PLXNA4: variants seen among roughly 807,000 people sequenced by gnomAD.
PLXNA4 encodes plexin-A4.
PLXNA4 carries 44 observed loss-of-function variants against 191.8 expected under a neutral mutation model. The ratio of observed to expected loss-of-function variants is 0.23; its 90% confidence interval spans 0.18 to 0.29. The LOEUF is 0.29. Among genes scored for constraint, PLXNA4 ranks in the 10% least tolerant of loss-of-function variants. PLXNA4 has a pLI of 1.00. For missense variants in PLXNA4, 1,800 were observed against 2,488.8 expected (o/e 0.72, Z 5.89); for synonymous variants, 1,082 against 1,009.5 (o/e 1.07, Z -1.36).
intron 14 of PLXNA4, among the ~76,000 whole-genome samples, chr7:132,189,030 A>AGAAAG (rs1797000678): frequency 1.6e-5 from 1 of 61,916 alleles, no homozygotes; most frequent in Non-Finnish European, 3.1e-5. Context: ...GAGAGAGAGA[A>AGAAAG]AGAGAGAGAG....
chr7:132,181,439 TCAAA>T lies in PLXNA4; in HGVS notation c.3430_3433del (p.Phe1144ArgfsTer19). On this transcript the variant is annotated frameshift_variant, in exon 18 of 32. Transcript: ENST00000321063. LOFTEE classifies it high-confidence loss of function. ...CAGGATTCCTGAGGGACCAAAGGCCTCAAACACCGGGTTGGGATAGTAGGTGAAG... is the reference window on the plus strand; with the variant it reads ...CAGGATTCCTGAGGGACCAAAGGCCTCACCGGGTTGGGATAGTAGGTGAAG... 6.2e-7 allele frequency: 1 copy of T among 1,613,680 alleles called. No individual in the cohort carries two copies. The highest frequency in any genetic ancestry group is 8.5e-7 in the Non-Finnish European group (1 of 1,179,838).
chr7:132,503,814 A>AC (rs1166557557), intron 2 of PLXNA4, among the ~76,000 whole-genome samples: 5 of 151,728 alleles, frequency 3.3e-5, no homozygotes, highest in Non-Finnish European at 5.9e-5. Flanking sequence ...ACCCTCTAGG[A>AC]CCCCCCCTCA....
chr7:132,640,301 A>C lies in PLXNA4; in HGVS notation c.-87+5627T>G, dbSNP rs150528081. ...AAGTTATGGCTTTCAGGGATCTTTC[A>C]ATTGGTAGGAGAAACTTACACTAAA... On this transcript the variant is annotated intron_variant, in intron 2 of 4. Coordinates refer to the PLXNA4 transcript ENST00000378539. Among the ~76,000 whole-genome samples the C allele has an allele frequency of 1.6e-3, 238 of 152,332 alleles. 1 individual carries two copies. The highest frequency in any genetic ancestry group is 5.5e-3 in the African/African-American group (227 of 41,570).
intron 3 of PLXNA4, among the ~76,000 whole-genome samples, chr7:132,365,358 T>TGCGCGTGCGCGCGC (rs1554424500): frequency 1.5e-5 from 2 of 133,594 alleles, no homozygotes; most frequent in African/African-American, 6.9e-5. Context: ...TGTGTGTGTG[T>TGCGCGTGCGCGCGC]GTGCGTGCGC....
At position 132,140,752 on chromosome 7, in the gene PLXNA4, T is replaced by C. The variant is rs765780731; in HGVS notation, c.5285A>G (p.His1762Arg). The C allele has an allele frequency of 8.7e-6, 14 of 1,613,946 alleles. No homozygotes were observed. Among genetic ancestry groups the C allele is most frequent in the Admixed American group, 1.7e-5 (1 of 59,996 alleles). Reference protein sequence around the residue: ...IKNPQFVFDIHKNSITDACLS... With the variant: ...IKNPQFVFDIRKNSITDACLS... ...GCAGGCGTCTGTGATGCTGTTCTTA[T>C]GGATGTCAAACACAAACTGCGGGTT... Residue 1762 changes from histidine to arginine, a missense_variant, in exon 30 of 32, where the codon CAT (histidine) becomes CGT (arginine). Around this residue, in one of 6 missense-constraint regions of PLXNA4, gnomAD observed 101 missense variants for 182.8 expected, o/e 0.55. Coordinates refer to ENST00000321063, the MANE Select transcript of PLXNA4 (RefSeq NM_020911.2).
intron 30 of PLXNA4, among the ~76,000 whole-genome samples, chr7:132,137,677 G>A (rs1795151819): frequency 6.6e-6 from 1 of 151,942 alleles, no homozygotes; most frequent in Admixed American, 6.6e-5. Flanking sequence ...CAAGGTACTT[G>A]GAGGCAGGAA....
At chr7:132,286,745 T>C (rs17166308) in intron 4 of PLXNA4, among the ~76,000 whole-genome samples, 7,988 of 152,266 alleles carry the variant, frequency 0.052, 686 homozygotes, top group African/African-American at 0.18. Flanking sequence ...GAGGTTGGAC[T>C]CAAATGGATT....
At chr7:132,176,209 GTCCTCTGCAGCCTCTCCTGCTGC>G (rs1351887803) in intron 20 of PLXNA4, among the ~76,000 whole-genome samples, 1 of 152,206 alleles carries the variant, frequency 6.6e-6, no homozygotes, top group African/African-American at 2.4e-5. Context: ...CACCTGGAGA[GTCCTCTGCAGCCTCTCCTGCTGC>G]TCCTCTCTCC....
At chr7:132,517,581 T>G (rs1209613418) in intron 1 of PLXNA4, among the ~76,000 whole-genome samples, 6 of 152,204 alleles carry the variant, frequency 3.9e-5, no homozygotes, top group Admixed American at 3.9e-4. Context: ...TCAAACGTAA[T>G]GCTGGGGGGC....
intron 1 of PLXNA4, among the ~76,000 whole-genome samples, chr7:132,553,626 C>T (rs150833876): frequency 1.2e-4 from 18 of 152,284 alleles, no homozygotes; most frequent in East Asian, 5.8e-4. Context: ...TGCTAAAAGT[C>T]TGCCACTGGA....
At position 132,354,159 on chromosome 7, in the gene PLXNA4, G is replaced by C. The variant is rs369847107; in HGVS notation, c.1372-55937C>G. On this transcript the variant is annotated intron_variant, in intron 3 of 31. Coordinates refer to ENST00000321063, the MANE Select transcript of PLXNA4 (RefSeq NM_020911.2). Reference sequence around the variant, plus strand: ...ATTACAGCCAGAAATGTGTATGCCTGTAAGCCTGGGGCACCAACAGTGTGT... The same window carrying C: ...ATTACAGCCAGAAATGTGTATGCCTCTAAGCCTGGGGCACCAACAGTGTGT... Among the ~76,000 whole-genome samples, 5 of 150,512 alleles carry C rather than the reference G, an allele frequency of 3.3e-5. No homozygotes were observed. The East Asian group carries it at 7.7e-4, about 23-fold the overall frequency.
rs74889895 is a variant in PLXNA4, at chr7:132,192,371, G to A, written c.2856+1691C>T. 2.4e-3 allele frequency among the ~76,000 whole-genome samples: 370 copies of A among 152,126 alleles called. 2 individuals carry two copies. Among genetic ancestry groups the A allele is most frequent in the African/African-American group, 8.5e-3 (352 of 41,430 alleles). On this transcript the variant is annotated intron_variant, in intron 14 of 31. Coordinates refer to ENST00000321063, the MANE Select transcript of PLXNA4 (RefSeq NM_020911.2). ...TCTAGTGAGAGGCATTGTGCAAGGT[G>A]ATCAATGGCTGTCAGTTGAAGAAGG...
At chr7:132,327,321 G>C (rs1017109989) in intron 3 of PLXNA4, among the ~76,000 whole-genome samples, 1 of 152,094 alleles carries the variant, frequency 6.6e-6, no homozygotes, top group East Asian at 1.9e-4. Flanking sequence ...TGCAATCTAA[G>C]GGTCAGAAGT....
Position 132,386,626 on chromosome 7 carries a change from C to T in PLXNA4, c.1372-88404G>A, listed in dbSNP as rs144660041. On this transcript the variant is annotated intron_variant, in intron 3 of 31. Transcript: ENST00000321063. ...TCAGAGGCTCTCTGGCTGCCTCTCT[C>T]GTTAGTCAGCCTTTCCTGGCATACC... Among the ~76,000 whole-genome samples the T allele has an allele frequency of 2.4e-3, 371 of 152,322 alleles. 1 individual carries two copies. Among genetic ancestry groups the T allele is most frequent in the Non-Finnish European group, 4.0e-3 (275 of 68,022 alleles).
intron 5 of PLXNA4, among the ~76,000 whole-genome samples, chr7:132,239,757 A>G (rs1209108565): frequency 1.3e-5 from 2 of 152,132 alleles, no homozygotes; most frequent in Admixed American, 6.5e-5. Context: ...CAACCTTTCT[A>G]TACACTTGAG....
At chr7:132,276,746 T>C (rs1800295853) in intron 4 of PLXNA4, among the ~76,000 whole-genome samples, 1 of 152,212 alleles carries the variant, frequency 6.6e-6, no homozygotes, top group African/African-American at 2.4e-5. Flanking sequence ...AAAAGACTGA[T>C]TATTTATCAA....
chr7:132,256,103 C>T (rs73157228), intron 4 of PLXNA4, among the ~76,000 whole-genome samples: 6,426 of 152,260 alleles, frequency 0.042, 208 homozygotes, highest in Non-Finnish European at 0.064. Context: ...TGAGTTGGCA[C>T]GGCACGTCTG....
intron 3 of PLXNA4, among the ~76,000 whole-genome samples, chr7:132,368,758 G>T (rs553739947): frequency 1.3e-5 from 2 of 152,148 alleles, no homozygotes; most frequent in Non-Finnish European, 2.9e-5. Flanking sequence ...GCTGGGCCCC[G>T]CCCTGAAGGA....
At position 132,508,801 on chromosome 7, in the gene PLXNA4, A is replaced by G; in HGVS notation, c.-86-22T>C. ...CCTACTGGAGAAAGGGAAGACAATG[A>G]GCTGGATAACAATGCCAGTGGCTTC... On this transcript the variant is annotated intron_variant, in intron 1 of 31. Coordinates refer to ENST00000321063, the MANE Select transcript of PLXNA4 (RefSeq NM_020911.2). This position sits in a 1 kb window ranked among gnomAD's most constrained non-coding sequence, Gnocchi z 4.4. 1 of 1,433,954 alleles carries G rather than the reference A, an allele frequency of 7.0e-7. No individual in the cohort carries two copies. The highest frequency in any genetic ancestry group is 9.1e-7 in the Non-Finnish European group (1 of 1,098,362). The allele number at this position is 1,433,954 out of a possible 1,614,324, so 88.8% of individuals were successfully genotyped here.
Sources: gnomAD v4.1 joint callset for allele counts (sites outside exome capture counted in the v4.1 genomes callset) on GRCh38, gnomAD v4.1.1 for gene constraint, gnomAD v4.1.1 regional missense constraint, Gnocchi (gnomAD v3.1) non-coding constraint, MANE v1.5 for transcripts, NCBI Gene and HGNC (gene_info 2026-07-23, HGNC 2026-07-21) for gene names.